KLF8: variants seen among roughly 807,000 people sequenced by gnomAD.
The protein encoded by KLF8 is KLF transcription factor 8, also known as Krueppel-like factor 8.
KLF8 carries 10 observed loss-of-function variants against 18.2 expected under a neutral mutation model. The observed-to-expected ratio is 0.55, with a 90% CI of 0.34 to 0.93. KLF8 has a LOEUF of 0.93. Ranked by LOEUF, KLF8 falls within the 40% of genes least tolerant of loss-of-function variation. The pLI is 0.02. For missense variants in KLF8, 264 were observed against 277.9 expected, an observed-to-expected ratio of 0.95 and a Z score of 0.36; for synonymous variants, 109 against 97.3, an observed-to-expected ratio of 1.12 and a Z score of -0.71.
At chrX:56,003,636 A>G in the KLF8 span, among the ~76,000 whole-genome samples, 1 of 111,538 alleles carries the variant, frequency 9.0e-6, no homozygotes, top group Non-Finnish European at 1.9e-5. Context: ...TTGCATGGCA[A>G]TGTAGTGTCA....
chrX:56,169,429 C>G, the KLF8 span, among the ~76,000 whole-genome samples: 3 of 111,216 alleles, frequency 2.7e-5, no homozygotes. Context: ...CAGAAATGCT[C>G]TTGCATGGCA....
chrX:56,161,821 A>G, the KLF8 span, among the ~76,000 whole-genome samples: 11 of 111,899 alleles, frequency 9.8e-5, no homozygotes, highest in Non-Finnish European at 1.7e-4. Flanking sequence ...GACGAGCTGC[A>G]TTCCTTTGGT....
At chrX:56,165,815 T>A in the KLF8 span, among the ~76,000 whole-genome samples, 1 of 108,553 alleles carries the variant, frequency 9.2e-6, no homozygotes, top group Non-Finnish European at 1.9e-5. Flanking sequence ...GAGCTATGAT[T>A]GCACCACTGA....
At chrX:56,189,627 C>T in the KLF8 span, among the ~76,000 whole-genome samples, 1 of 110,522 alleles carries the variant, frequency 9.0e-6, no homozygotes, top group Non-Finnish European at 1.9e-5. Flanking sequence ...AGCCAAATGT[C>T]CAACAACAAT....
the KLF8 span, among the ~76,000 whole-genome samples, chrX:56,194,238 G>A: frequency 1.1e-4 from 12 of 111,389 alleles, no homozygotes; most frequent in Non-Finnish European, 2.3e-4. Context: ...AGCCCACAGA[G>A]GGTGAGCTGA....
chrX:56,007,092 A>T, the KLF8 span, among the ~76,000 whole-genome samples: 1 of 112,077 alleles, frequency 8.9e-6, no homozygotes, highest in South Asian at 3.7e-4. Context: ...GGCTCTCAGG[A>T]TCTGGTTACT....
the KLF8 span, among the ~76,000 whole-genome samples, chrX:56,156,332 C>A: frequency 9.0e-6 from 1 of 110,528 alleles, no homozygotes; most frequent in African/African-American, 3.3e-5. Flanking sequence ...ATTTCATCAC[C>A]CAGGTATTAA....
At chrX:56,098,874 T>G in the KLF8 span, among the ~76,000 whole-genome samples, 1 of 112,273 alleles carries the variant, frequency 8.9e-6, no homozygotes, top group East Asian at 2.8e-4. Flanking sequence ...GATAAAGAAA[T>G]TAAGTAATTT....
the KLF8 span, among the ~76,000 whole-genome samples, chrX:56,038,066 A>T: frequency 2.7e-5 from 3 of 111,889 alleles, no homozygotes; most frequent in Admixed American, 2.8e-4. Context: ...CTGCGAATAA[A>T]TGAGAACATG....
At chrX:56,049,213 A>G in the KLF8 span, among the ~76,000 whole-genome samples, 3 of 111,287 alleles carry the variant, frequency 2.7e-5, no homozygotes, top group Non-Finnish European at 5.7e-5. Flanking sequence ...CATCTGCAAA[A>G]AGGGACAATT....
chrX:56,124,826 C>T, the KLF8 span, among the ~76,000 whole-genome samples: 2 of 111,950 alleles, frequency 1.8e-5, no homozygotes, highest in African/African-American at 6.5e-5. Flanking sequence ...CATTCTCATT[C>T]CCATTTCCTG....
chrX:56,148,312 T>C, the KLF8 span, among the ~76,000 whole-genome samples: 13 of 111,802 alleles, frequency 1.2e-4, no homozygotes, highest in Non-Finnish European at 2.3e-4. Flanking sequence ...TTTACTGTTG[T>C]GTTCTCCTAC....
chrX:56,145,596 C>A, the KLF8 span, among the ~76,000 whole-genome samples: 1 of 112,132 alleles, frequency 8.9e-6, no homozygotes, highest in South Asian at 3.7e-4. Context: ...TGTGATATAT[C>A]CAAACAATGG....
chrX:56,280,019 T>G (rs1182012135), intron 5 of KLF8, among the ~76,000 whole-genome samples: 1 of 111,678 alleles, frequency 9.0e-6, no homozygotes, highest in Non-Finnish European at 1.9e-5. Flanking sequence ...GTAGATATTC[T>G]TCCAGCAGAG....
the KLF8 span, among the ~76,000 whole-genome samples, chrX:56,119,949 T>C: frequency 3.7e-5 from 4 of 109,144 alleles, no homozygotes; most frequent in African/African-American, 6.7e-5. Flanking sequence ...TGATGGTTAC[T>C]CCATTTCGGC....
At chrX:56,121,204 A>AAC in the KLF8 span, among the ~76,000 whole-genome samples, 2 of 108,810 alleles carry the variant, frequency 1.8e-5, no homozygotes, top group African/African-American at 6.7e-5. Context: ...AAAAAAAAAA[A>AAC]GGAAAACACT....
At chrX:56,054,998 C>T in the KLF8 span, among the ~76,000 whole-genome samples, 1 of 111,780 alleles carries the variant, frequency 8.9e-6, no homozygotes, top group African/African-American at 3.3e-5. Context: ...TTCTTGAAGA[C>T]AGCTTGCCAA....
chrX:56,057,964 G>C, the KLF8 span, among the ~76,000 whole-genome samples: 6 of 106,477 alleles, frequency 5.6e-5, no homozygotes, highest in Non-Finnish European at 1.2e-4. Flanking sequence ...GGAGAGAACA[G>C]GTTGCTTTTT....
the KLF8 span, among the ~76,000 whole-genome samples, chrX:56,187,270 TAGA>T: frequency 2.7e-5 from 3 of 111,811 alleles, no homozygotes; most frequent in African/African-American, 9.8e-5. Context: ...CTAGAAAATC[TAGA>T]AGAAATGGAT....
Sources: allele counts gnomAD v4.1 joint callset (sites outside exome capture counted in the v4.1 genomes callset), GRCh38; gene constraint gnomAD v4.1.1; transcripts MANE v1.5; gene names NCBI Gene and HGNC (gene_info 2026-07-23, HGNC 2026-07-21).